The following TMC1 variants were observed in gnomAD, a reference collection of about 807,000 sequenced individuals.
The protein encoded by TMC1 is transmembrane channel like 1.
Under a neutral mutation model 105.8 loss-of-function variants are expected in TMC1, and 84 were observed. The observed-to-expected ratio is 0.79, with a 90% confidence interval of 0.67 to 0.95. The LOEUF (loss-of-function observed/expected upper bound fraction) is 0.95. Ranked by LOEUF, TMC1 falls within the 40% of genes least tolerant of loss-of-function variation. The pLI, the probability that TMC1 is intolerant of heterozygous loss-of-function variation, is 0.00. For synonymous variants in TMC1, 315 were observed against 311.5 expected (o/e 1.01, Z -0.12); for missense variants, 817 against 914.1 (o/e 0.89, Z 1.37).
At chr9:72,658,131 A>G (rs536166492) in intron 5 of TMC1, among the ~76,000 whole-genome samples, 11 of 152,200 alleles carry the variant, frequency 7.2e-5, no homozygotes, top group Non-Finnish European at 1.2e-4. Context: ...ATTACTGAAT[A>G]CAACAAAAAG....
At chr9:72,782,370 G>T (rs1313109229) in intron 13 of TMC1, among the ~76,000 whole-genome samples, 1 of 152,134 alleles carries the variant, frequency 6.6e-6, no homozygotes, top group East Asian at 1.9e-4. Context: ...ACAGGCAAAA[G>T]CTGGAAGCAT....
intron 12 of TMC1, among the ~76,000 whole-genome samples, chr9:72,765,594 A>C (rs1242110620): frequency 6.6e-6 from 1 of 151,486 alleles, no homozygotes; most frequent in East Asian, 2.0e-4. Context: ...AGCAAAGTTC[A>C]TATTTAGGGA....
chr9:72,818,117 T>C (rs895218613), intron 19 of TMC1, among the ~76,000 whole-genome samples: 8 of 152,124 alleles, frequency 5.3e-5, no homozygotes, highest in Non-Finnish European at 8.8e-5. Flanking sequence ...TGCACAAAGG[T>C]CCTCACACAC....
At chr9:72,806,902 C>T (rs1828605338) in intron 18 of TMC1, among the ~76,000 whole-genome samples, 1 of 152,194 alleles carries the variant, frequency 6.6e-6, no homozygotes, top group South Asian at 2.1e-4. Context: ...CTTTGGGAGG[C>T]CAAGGCAGGC....
intron 2 of TMC1, among the ~76,000 whole-genome samples, chr9:72,605,378 A>G (rs1163372162): frequency 6.6e-6 from 1 of 152,180 alleles, no homozygotes; most frequent in Non-Finnish European, 1.5e-5. Context: ...ACAGAACACA[A>G]CAGCACAGGT....
intron 2 of TMC1, among the ~76,000 whole-genome samples, chr9:72,581,792 A>G (rs963764305): frequency 6.6e-6 from 1 of 152,180 alleles, no homozygotes; most frequent in Admixed American, 6.5e-5. Context: ...TTAGGGGTGA[A>G]CACTTCACAT....
chr9:72,570,447 T>C lies in TMC1; in HGVS notation c.-427-7455T>C, dbSNP rs114569892. On this transcript the variant is annotated intron_variant, in intron 1 of 23. Coordinates refer to ENST00000297784, the MANE Select transcript of TMC1 (RefSeq NM_138691.3). ...GAAATACCTTTTCCAGAGACCACCA[T>C]CATGAACAGTTTGGTCTACAGAATT... Among the ~76,000 whole-genome samples, 614 of 152,208 alleles carry C rather than the reference T, an allele frequency of 4.0e-3. 3 individuals are homozygous for C. The highest frequency in any genetic ancestry group is 0.014 in the African/African-American group (583 of 41,530).
At chr9:72,647,204 T>G (rs1466549550) in intron 4 of TMC1, among the ~76,000 whole-genome samples, 1 of 150,382 alleles carries the variant, frequency 6.6e-6, no homozygotes, top group Non-Finnish European at 1.5e-5. Context: ...TATCTCTTAC[T>G]TTTTTTTTAG....
At chr9:72,638,960 A>C (rs1234264064) in intron 4 of TMC1, among the ~76,000 whole-genome samples, 3 of 152,190 alleles carry the variant, frequency 2.0e-5, no homozygotes, top group African/African-American at 7.2e-5. Flanking sequence ...TCTGAAAACT[A>C]TTTCTTTACC....
chr9:72,831,699 G>C (rs1588106767), intron 23 of TMC1, among the ~76,000 whole-genome samples: 1 of 151,776 alleles, frequency 6.6e-6, no homozygotes, highest in South Asian at 2.1e-4. Flanking sequence ...TTGGTTTTTT[G>C]TCCTTGCGAT....
chr9:72,665,743 C>T (rs905032631), intron 5 of TMC1, among the ~76,000 whole-genome samples: 3 of 152,180 alleles, frequency 2.0e-5, no homozygotes, highest in Admixed American at 6.5e-5. Context: ...AGTTAGTTTG[C>T]TTTATTTTAA....
intron 19 of TMC1, among the ~76,000 whole-genome samples, chr9:72,818,996 C>T (rs2118292932): frequency 6.6e-6 from 1 of 152,236 alleles, no homozygotes; most frequent in Non-Finnish European, 1.5e-5. Flanking sequence ...TGGTTTTAGG[C>T]AAGTCTCGAT....
At chr9:72,545,941 G>A (rs1256467246) in intron 1 of TMC1, among the ~76,000 whole-genome samples, 1 of 141,384 alleles carries the variant, frequency 7.1e-6, no homozygotes, top group Non-Finnish European at 1.5e-5. Context: ...AAGTTCAAAT[G>A]TCATCGCTCA....
intron 21 of TMC1, among the ~76,000 whole-genome samples, chr9:72,830,103 T>A (rs1829016420): frequency 6.6e-6 from 1 of 152,210 alleles, no homozygotes; most frequent in Non-Finnish European, 1.5e-5. Flanking sequence ...GCCATTGCCA[T>A]CCATTTAAAA....
intron 5 of TMC1, among the ~76,000 whole-genome samples, chr9:72,675,482 C>T (rs890214931): frequency 7.9e-5 from 12 of 152,226 alleles, no homozygotes; most frequent in Admixed American, 2.0e-4. Context: ...AAAGCACCTG[C>T]GTGTATTTGT....
At chr9:72,551,299 A>G (rs1823856842) in intron 1 of TMC1, among the ~76,000 whole-genome samples, 1 of 152,224 alleles carries the variant, frequency 6.6e-6, no homozygotes, top group African/African-American at 2.4e-5. Context: ...GGAAACTTAT[A>G]TAGTGGGCCC....
At chr9:72,556,664 C>CA (rs1354582171) in intron 1 of TMC1, among the ~76,000 whole-genome samples, 1 of 150,978 alleles carries the variant, frequency 6.6e-6, no homozygotes, top group Non-Finnish European at 1.5e-5. Flanking sequence ...ACTGAAAATA[C>CA]AAAAAAAATT....
rs537556286 is a variant in TMC1 at position 72,760,176 on chromosome 9, G to C, written c.741+5292G>C. ...AATTTTGCTTTGGTTGGTTAGCAAA[G>C]TTCTATCTTTAGTTTTTAAAATTAA... On this transcript the variant is annotated intron_variant, in intron 12 of 23. Coordinates refer to ENST00000297784, the MANE Select transcript of TMC1 (RefSeq NM_138691.3). Among the ~76,000 whole-genome samples the C allele has an allele frequency of 2.4e-4, 36 of 152,120 alleles. 1 individual carries two copies. The highest frequency in any genetic ancestry group is 8.7e-4 in the African/African-American group (36 of 41,516).
At chr9:72,757,554 G>A (rs1212483334) in intron 12 of TMC1, among the ~76,000 whole-genome samples, 2 of 152,168 alleles carry the variant, frequency 1.3e-5, no homozygotes, top group Non-Finnish European at 2.9e-5. Context: ...ATATCTTGAA[G>A]ATGACATTGA....
Sources: allele counts gnomAD v4.1 joint callset (sites outside exome capture counted in the v4.1 genomes callset), GRCh38; gene constraint gnomAD v4.1.1; transcripts MANE v1.5; gene names NCBI Gene and HGNC (gene_info 2026-07-23, HGNC 2026-07-21).